The following PAGE2 variants were observed in gnomAD, a reference collection of about 807,000 sequenced individuals.
PAGE2 encodes PAGE family member 2, also known as P antigen family member 2.
Under a neutral mutation model 7.5 loss-of-function variants are expected in PAGE2, and 6 were observed. That is an observed-to-expected ratio of 0.80 (90% CI 0.44 to 1.57). The LOEUF is 1.57. PAGE2 is among the 40% of genes most tolerant of loss of function. PAGE2 has a pLI of 0.01. For missense variants in PAGE2, 72 were observed against 76.4 expected (o/e 0.94, Z 0.21); for synonymous variants, 22 against 25.4 (o/e 0.87, Z 0.41).
chrX:55,089,862 C>G (rs1357920230), intron 1 of PAGE2, among the ~76,000 whole-genome samples, 151 bp from the exon 2 acceptor site: 3 of 110,851 alleles, frequency 2.7e-5, no homozygotes, highest in South Asian at 3.7e-4. Context: ...TAGTTTGATT[C>G]GAAAGCATGT....
chrX:55,091,429 T>C lies in PAGE2; in HGVS notation c.291T>C (p.Thr97=), dbSNP rs142669327. The C allele has an allele frequency of 1.6e-5, 19 of 1,202,735 alleles. 1 individual carries two copies. In the African/African-American group the frequency reaches 2.4e-4, roughly 15 times the overall value. ...ATGTCAGGGAGGGTATTATGCCCACTTTTGATCTCACTAAAGTGCTGGAAG... is the reference window on the plus strand; with the variant it reads ...ATGTCAGGGAGGGTATTATGCCCACCTTTGATCTCACTAAAGTGCTGGAAG... ...GPDVREGIMP[T]FDLTKVLEAG... The change falls in exon 4 of 5, where the codon ACT becomes ACC. Residue 97 remains threonine (T), a synonymous_variant. Transcript: ENST00000374968.
In PAGE2 at chrX:55,089,995, A is replaced by G; in HGVS notation, c.-8-18A>G. 1 of 1,126,725 alleles carries G rather than the reference A, an allele frequency of 8.9e-7. No individual in the cohort carries two copies. The highest frequency in any genetic ancestry group is 1.9e-5 in the South Asian group (1 of 53,481). The allele number at this position is 1,126,725 out of a possible 1,213,427, so 92.9% of individuals were successfully genotyped here. A position where few individuals can be genotyped will look rare whatever the true frequency, so the allele number is the denominator to read the frequency against. On this transcript the variant is annotated intron_variant, in intron 1 of 4. Coordinates refer to ENST00000374968, the MANE Select transcript of PAGE2 (RefSeq NM_207339.4). The stretch of plus-strand genomic sequence containing the variant: ...AGTTCTTACACACTTTTTCCAAATA[A>G]CAATATTCTGTTTGCAGTGGGAAAT...
At chrX:55,089,135 T>G (rs1936630585) in intron 1 of PAGE2, 32 bp downstream of exon 1, 1 of 111,516 alleles carries the variant, frequency 9.0e-6, no homozygotes. Context: ...ACTGGGAATT[T>G]AGTTGTGAGA....
intron 1 of PAGE2, 141 bp from the exon 2 acceptor site, chrX:55,089,872 T>G (rs1936638123): frequency 4.2e-6 from 2 of 476,674 alleles, no homozygotes; most frequent in South Asian, 7.2e-5. Context: ...CGAAAGCATG[T>G]GTACTTATCA....
At chrX:55,090,349 T>C (rs1326820054) in intron 2 of PAGE2, among the ~76,000 whole-genome samples, 153 bp from the exon 3 acceptor site, 1 of 109,511 alleles carries the variant, frequency 9.1e-6, no homozygotes. Context: ...TATCTATCTA[T>C]CTATCTATCT....
At chrX:55,091,214 C>G (rs746065372) in intron 3 of PAGE2, 118 bp from the exon 4 acceptor site, 1 of 1,101,660 alleles carries the variant, frequency 9.1e-7, no homozygotes, top group African/African-American at 1.9e-5. Flanking sequence ...GCAGCAGATT[C>G]CTGAAATAAT....
intron 3 of PAGE2, 53 bp downstream of exon 3, chrX:55,090,663 A>T: frequency 1.1e-6 from 1 of 920,413 alleles, no homozygotes. Flanking sequence ...CTATTTATGC[A>T]TTGTATTTTA....
rs765496029 is a variant in PAGE2, at chrX:55,091,415, G to A, written c.277G>A (p.Gly93Ser). 1 of 1,205,885 alleles carries A rather than the reference G, an allele frequency of 8.3e-7. No individual in the cohort carries two copies. Among genetic ancestry groups the A allele is most frequent in the East Asian group, 3.0e-5 (1 of 33,701 alleles). ...EPGDGPDVRE[G>S]IMPTFDLTKV... ...TGGAGATGGTCCTGATGTCAGGGAGGGTATTATGCCCACTTTTGATCTCAC... is the reference window on the plus strand; with the variant it reads ...TGGAGATGGTCCTGATGTCAGGGAGAGTATTATGCCCACTTTTGATCTCAC... Residue 93 changes from glycine (G) to serine (S), a missense_variant, in exon 4 of 5, where the codon GGT becomes AGT. Coordinates refer to ENST00000374968, the MANE Select transcript of PAGE2 (RefSeq NM_207339.4).
chrX:55,090,610 G>C lies in PAGE2; in HGVS notation c.193G>C (p.Gly65Arg). The change falls in exon 3 of 5, where the codon GGG (glycine) becomes CGG (arginine). Residue 65 changes from glycine to arginine, a missense_variant and splice_region_variant. Coordinates refer to ENST00000374968, the MANE Select transcript of PAGE2 (RefSeq NM_207339.4). Reference sequence around the variant, plus strand: ...AAATCAAGCAGTGCCTGCTTTTCAAGGTGAAGGGAGAGTGGAAAATAATGC... The same window carrying C: ...AAATCAAGCAGTGCCTGCTTTTCAACGTGAAGGGAGAGTGGAAAATAATGC... ...IENQAVPAFQ[G>R]PDMEAFQQEL... 8.3e-7 allele frequency: 1 copy of C among 1,198,909 alleles called. No individual in the cohort carries two copies. The highest frequency in any genetic ancestry group is 1.1e-6 in the Non-Finnish European group (1 of 888,034).
chrX:55,090,146 A>G, intron 2 of PAGE2, 42 bp downstream of exon 2: 1 of 1,128,533 alleles, frequency 8.9e-7, no homozygotes. Context: ...AACACAATTT[A>G]TTTTAAAAAT....
intron 2 of PAGE2, 136 bp from the exon 3 acceptor site, chrX:55,090,366 C>CTATCATCT: frequency 4.9e-6 from 3 of 618,355 alleles, no homozygotes; most frequent in Non-Finnish European, 7.5e-6. Flanking sequence ...ATCTATCTAT[C>CTATCATCT]ATCTATCTAT....
At chrX:55,091,139 G>T (rs1417874597) in intron 3 of PAGE2, among the ~76,000 whole-genome samples, 193 bp from the exon 4 acceptor site, 1 of 111,322 alleles carries the variant, frequency 9.0e-6, no homozygotes, top group African/African-American at 3.3e-5. Context: ...CAAGTAAGTT[G>T]TCTAGGGCCA....
chrX:55,089,464 T>G lies in PAGE2; in HGVS notation c.-9+361T>G, dbSNP rs1251060494. ...CCGTGTGGTCAGTAACGAAGGGGCT[T>G]GGGAACTGGGAGCGCGGTGGGCTGG... On this transcript the variant is annotated intron_variant, in intron 1 of 4. Coordinates refer to ENST00000374968, the MANE Select transcript of PAGE2 (RefSeq NM_207339.4). Among the ~76,000 whole-genome samples, 94 of 110,006 alleles carry G rather than the reference T, an allele frequency of 8.5e-4. 4 individuals are homozygous for G. Among genetic ancestry groups the G allele is most frequent in the African/African-American group, 2.8e-3 (81 of 29,452 alleles).
intron 3 of PAGE2, 73 bp from the exon 4 acceptor site, chrX:55,091,259 A>G (rs1236582291): frequency 8.4e-7 from 1 of 1,188,216 alleles, no homozygotes. Flanking sequence ...ATGATGAGGG[A>G]ATAAATACTA....
At chrX:55,089,590 C>A (rs1395738180) in intron 1 of PAGE2, among the ~76,000 whole-genome samples, 1 of 109,596 alleles carries the variant, frequency 9.1e-6, no homozygotes, top group East Asian at 2.8e-4. Flanking sequence ...CCATGGACAT[C>A]ATAGGAAGGA....
In PAGE2 at chrX:55,089,513, G is replaced by T. The variant is rs777882697; in HGVS notation, c.-9+410G>T. Reference sequence around the variant, plus strand: ...GGTGACTGTGGCCCCGAGGTCTGTAGAGTGCCTGGCAGAGGTGTCCTGTGA... The same window carrying T: ...GGTGACTGTGGCCCCGAGGTCTGTATAGTGCCTGGCAGAGGTGTCCTGTGA... On this transcript the variant is annotated intron_variant, in intron 1 of 4. Transcript: ENST00000374968. 4.5e-5 allele frequency among the ~76,000 whole-genome samples: 5 copies of T among 110,201 alleles called. No homozygotes were observed. In the South Asian group the frequency reaches 1.5e-3, roughly 34 times the overall value.
chrX:55,090,177 AC>A (rs1936641780), intron 2 of PAGE2, 73 bp downstream of exon 2: 8 of 985,547 alleles, frequency 8.1e-6, no homozygotes, highest in Non-Finnish European at 8.4e-6. Context: ...TAGTATACAT[AC>A]ACTGATACAG....
rs374998644 is a variant in PAGE2 at position 55,090,552 on chromosome X, T to G, written c.135T>G (p.Asp45Glu). Reference protein sequence around the residue: ...EKRQEEEPPTDNQGIAPSGEI... With the variant: ...EKRQEEEPPTENQGIAPSGEI... ...GTCAAGAAGAGGAACCACCAACTGATAATCAGGGTATTGCACCTAGTGGGG... is the reference window on the plus strand; with the variant it reads ...GTCAAGAAGAGGAACCACCAACTGAGAATCAGGGTATTGCACCTAGTGGGG... Residue 45 changes from aspartate (D) to glutamate (E), a missense_variant, in exon 3 of 5, where the codon GAT becomes GAG. By Grantham distance (45) the Asp-to-Glu change is conservative (BLOSUM62 2). Transcript: ENST00000374968. 4.2e-6 allele frequency: 5 copies of G among 1,204,745 alleles called. No individual in the cohort carries two copies. In the African/African-American group the frequency reaches 7.2e-5, roughly 17 times the overall value.
chrX:55,091,226 A>T, intron 3 of PAGE2, 106 bp from the exon 4 acceptor site: 1 of 1,128,396 alleles, frequency 8.9e-7, no homozygotes. Context: ...TGAAATAATT[A>T]GCCTACCGGT....
Sources: allele counts gnomAD v4.1 joint callset (sites outside exome capture counted in the v4.1 genomes callset), GRCh38; gene constraint gnomAD v4.1.1; transcripts MANE v1.5; gene names NCBI Gene and HGNC (gene_info 2026-07-23, HGNC 2026-07-21).